The following ELAVL1 variants were observed in gnomAD, a reference collection of about 807,000 sequenced individuals.
ELAVL1 encodes ELAV-like protein 1.
ELAVL1 carries 1 observed loss-of-function variant against 28.4 expected under a neutral mutation model. The observed-to-expected ratio is 0.04, with a 90% CI of 0.01 to 0.17. The LOEUF (loss-of-function observed/expected upper bound fraction) is 0.17, where lower values mean the gene tolerates loss of function less well. ELAVL1 is among the 10% of genes least tolerant of loss of function. ELAVL1 has a pLI of 1.00. For synonymous variants in ELAVL1, 174 were observed against 183.5 expected (o/e 0.95, Z 0.42); for missense variants, 157 against 447.2 (o/e 0.35, Z 5.85).
intron 3 of ELAVL1, among the ~76,000 whole-genome samples, chr19:7,974,644 C>T (rs1297335986): frequency 6.6e-6 from 1 of 152,080 alleles, no homozygotes; most frequent in Admixed American, 6.5e-5. Flanking sequence ...GGCAGCCTGG[C>T]AGGACTCACA....
intron 3 of ELAVL1, among the ~76,000 whole-genome samples, chr19:7,975,094 T>C (rs373788747): frequency 3.5e-4 from 54 of 152,194 alleles, no homozygotes; most frequent in African/African-American, 1.3e-3. Context: ...GGCACCTCCA[T>C]CAGCCTGTGG....
rs1051209782 is a variant in ELAVL1 at position 7,982,138 on chromosome 19, G to A, written c.173-952C>T. On this transcript the variant is annotated intron_variant, in intron 2 of 5. Coordinates refer to ENST00000407627, the MANE Select transcript of ELAVL1 (RefSeq NM_001419.3). This position sits in a 1 kb window ranked among gnomAD's most constrained non-coding sequence, Gnocchi z 4.3. ...TCACTGGATACCATGGGAGGGACTC[G>A]GGAGGGCAAGGGCAGGACCAGAGGG... Among the ~76,000 whole-genome samples the A allele has an allele frequency of 2.6e-5, 4 of 152,216 alleles. No individual in the cohort carries two copies. Among genetic ancestry groups the A allele is most frequent in the East Asian group, 3.8e-4 (2 of 5,200 alleles).
intron 2 of ELAVL1, among the ~76,000 whole-genome samples, chr19:7,991,301 G>A (rs148031627): frequency 1.3e-5 from 2 of 152,240 alleles, no homozygotes; most frequent in East Asian, 3.9e-4. Flanking sequence ...TTCCACACGT[G>A]GGACCCAATC....
At chr19:7,987,977 C>A (rs116864111) in intron 2 of ELAVL1, among the ~76,000 whole-genome samples, 1 of 152,314 alleles carries the variant, frequency 6.6e-6, no homozygotes, top group South Asian at 2.1e-4. Context: ...GTCAAACAGG[C>A]CCCTCTGCTG....
chr19:7,993,262 T>C (rs1240993361), intron 1 of ELAVL1, among the ~76,000 whole-genome samples: 1 of 152,114 alleles, frequency 6.6e-6, no homozygotes, highest in Non-Finnish European at 1.5e-5. Context: ...CAATTTAAGA[T>C]CCTGTAAAAA....
At position 7,963,815 on chromosome 19, in the gene ELAVL1, A is replaced by G. The variant is rs1226946973; in HGVS notation, c.657-8T>C. On this transcript the variant is annotated splice_polypyrimidine_tract_variant and splice_region_variant and intron_variant, in intron 5 of 5. Transcript: ENST00000407627. The surrounding 1 kb of genome is among the most constrained non-coding windows in gnomAD (Gnocchi z 4.5). ...ACGCCCATGGGGGAGAACCTGGCAG[A>G]CAGAGAGCAAGCGTCAGGCCACGGT... 1.2e-6 allele frequency: 2 copies of G among 1,611,958 alleles called. No individual in the cohort carries two copies. Among genetic ancestry groups the G allele is most frequent in the Non-Finnish European group, 1.7e-6 (2 of 1,178,498 alleles).
At chr19:7,989,111 C>T (rs566556005) in intron 2 of ELAVL1, among the ~76,000 whole-genome samples, 29 of 152,256 alleles carry the variant, frequency 1.9e-4, no homozygotes, top group African/African-American at 6.3e-4. Flanking sequence ...GCCTGCCTGG[C>T]CGGGTGAGAG....
chr19:7,976,060 T>A (rs1985274888), intron 3 of ELAVL1, among the ~76,000 whole-genome samples: 1 of 149,230 alleles, frequency 6.7e-6, no homozygotes, highest in Non-Finnish European at 1.5e-5. Context: ...ATCACTGCAG[T>A]CCAGCCTGGG....
intron 3 of ELAVL1, among the ~76,000 whole-genome samples, chr19:7,977,850 G>A (rs1055702268): frequency 1.3e-5 from 2 of 152,248 alleles, no homozygotes; most frequent in African/African-American, 4.8e-5. Flanking sequence ...GAGGCTTGGG[G>A]CCAGCCTGCA....
intron 4 of ELAVL1, among the ~76,000 whole-genome samples, chr19:7,969,744 C>T (rs1244031124): frequency 6.6e-6 from 1 of 152,092 alleles, no homozygotes; most frequent in Non-Finnish European, 1.5e-5. Context: ...AAAGACCCTG[C>T]GGCCCAGCGG....
chr19:8,001,931 G>A, intron 1 of ELAVL1: 1 of 677,534 alleles, frequency 1.5e-6, no homozygotes, highest in South Asian at 1.5e-5. Context: ...AAGCGGTTCA[G>A]CCATTACGGG....
At chr19:7,969,603 G>A (rs571464785) in intron 4 of ELAVL1, among the ~76,000 whole-genome samples, 1 of 152,258 alleles carries the variant, frequency 6.6e-6, no homozygotes, top group South Asian at 2.1e-4. Context: ...AGTCTCTCAC[G>A]ACACGAATGA....
intron 1 of ELAVL1, among the ~76,000 whole-genome samples, chr19:7,996,913 G>T (rs2081051696): frequency 6.6e-6 from 1 of 152,142 alleles, no homozygotes; most frequent in Non-Finnish European, 1.5e-5. Flanking sequence ...ATGGCAGACA[G>T]GCACATGAAA....
rs367996109 is a variant in ELAVL1 at position 7,973,912 on chromosome 19, A to G, written c.277-34T>C. 3 of 1,609,816 alleles carry G rather than the reference A, an allele frequency of 1.9e-6. No individual in the cohort carries two copies. The African/African-American group carries it at 4.0e-5, about 22-fold the overall frequency. ...CACAACCACTTTCCGAGATTAGTAC[A>G]GGCACGTGGCCAAAGCATTGAGGAG... On this transcript the variant is annotated intron_variant, in intron 3 of 5. Coordinates refer to ENST00000407627, the MANE Select transcript of ELAVL1 (RefSeq NM_001419.3).
Position 7,981,259 on chromosome 19 carries a change from T to C in ELAVL1, c.173-73A>G, listed in dbSNP as rs528288850. 1.7e-5 allele frequency: 25 copies of C among 1,432,846 alleles called. No individual in the cohort carries two copies. Among genetic ancestry groups the C allele is most frequent in the Non-Finnish European group, 2.3e-5 (23 of 1,016,424 alleles). 88.8% of individuals were successfully genotyped at this position (1,432,846 alleles called of 1,614,324 possible). A position where few individuals can be genotyped will look rare whatever the true frequency, so the allele number is the denominator to read the frequency against. ...GAGGGACAGGGAGGTCGGGAAGCAC[T>C]ATATCTGCCTGGCCTTTGGGAAATG... On this transcript the variant is annotated intron_variant, in intron 2 of 5. Coordinates refer to ENST00000407627, the MANE Select transcript of ELAVL1 (RefSeq NM_001419.3). This position sits in a 1 kb window ranked among gnomAD's most constrained non-coding sequence, Gnocchi z 4.2.
chr19:8,004,336 G>C (rs2081079564), intron 1 of ELAVL1, among the ~76,000 whole-genome samples: 1 of 152,182 alleles, frequency 6.6e-6, no homozygotes, highest in Non-Finnish European at 1.5e-5. Context: ...TCGAGGTCTT[G>C]GGAGCATCTC....
chr19:7,969,766 G>A (rs537393120), intron 4 of ELAVL1, among the ~76,000 whole-genome samples: 4 of 152,226 alleles, frequency 2.6e-5, no homozygotes, highest in African/African-American at 4.8e-5. Context: ...GAGAAGGCAC[G>A]TGTGCAAGTG....
At chr19:8,005,212 C>T (rs1163640608) in intron 1 of ELAVL1, among the ~76,000 whole-genome samples, 5 of 151,998 alleles carry the variant, frequency 3.3e-5, no homozygotes, top group African/African-American at 1.2e-4. Flanking sequence ...ACCGGGGCCC[C>T]CGGCCGTGCA....
intron 4 of ELAVL1, chr19:7,973,183 T>C: frequency 6.4e-6 from 1 of 155,396 alleles, no homozygotes; most frequent in Non-Finnish European, 1.4e-5. Flanking sequence ...GGTGCTAGAA[T>C]CTCTTGGCGT....
Sources: allele counts gnomAD v4.1 joint callset (sites outside exome capture counted in the v4.1 genomes callset), GRCh38; gene constraint gnomAD v4.1.1; non-coding constraint Gnocchi (gnomAD v3.1); transcripts MANE v1.5; gene names NCBI Gene and HGNC (gene_info 2026-07-23, HGNC 2026-07-21).